CNTN4: variants seen among roughly 807,000 people sequenced by gnomAD.
The protein encoded by CNTN4 is contactin 4.
In CNTN4, 77 loss-of-function variants were observed where a neutral mutation model predicts 122.5. The ratio of observed to expected loss-of-function variants is 0.63; its 90% confidence interval spans 0.52 to 0.76. CNTN4 has a LOEUF of 0.76. CNTN4 is among the 30% of genes least tolerant of loss of function. CNTN4 has a pLI of 0.00. For missense variants in CNTN4, 1,256 were observed against 1,259.1 expected, an observed-to-expected ratio of 1.00 and a Z score of 0.04; for synonymous variants, 512 against 447.0, an observed-to-expected ratio of 1.15 and a Z score of -1.83.
At chr3:2,436,414 A>G (rs76636676) in intron 3 of CNTN4, among the ~76,000 whole-genome samples, 2,105 of 152,256 alleles carry the variant, frequency 0.014, 42 homozygotes, top group South Asian at 0.069. Context: ...AACTGATTAG[A>G]GTCTCAAGGT....
chr3:2,635,481 C>T (rs563028102), intron 4 of CNTN4, among the ~76,000 whole-genome samples: 1 of 152,266 alleles, frequency 6.6e-6, no homozygotes, highest in South Asian at 2.1e-4. Flanking sequence ...ATTCATGCAT[C>T]TCTATCCCCC....
chr3:2,721,053 A>G (rs1576566743), intron 4 of CNTN4, among the ~76,000 whole-genome samples: 1 of 151,718 alleles, frequency 6.6e-6, no homozygotes, highest in Non-Finnish European at 1.5e-5. Context: ...GCTCACTGCA[A>G]CCTCCACCTC....
chr3:2,384,603 A>G (rs1252322203), intron 3 of CNTN4, among the ~76,000 whole-genome samples: 1 of 152,208 alleles, frequency 6.6e-6, no homozygotes, highest in Admixed American at 6.5e-5. Context: ...GCCCAGCTAA[A>G]TCAGGACTTA....
chr3:2,449,896 A>C (rs2048763831), intron 3 of CNTN4, among the ~76,000 whole-genome samples: 1 of 152,164 alleles, frequency 6.6e-6, no homozygotes, highest in East Asian at 1.9e-4. Flanking sequence ...TAAAATAGTT[A>C]CACTCACAGA....
chr3:2,132,629 G>C (rs139974397), intron 2 of CNTN4, among the ~76,000 whole-genome samples: 93 of 152,236 alleles, frequency 6.1e-4, no homozygotes, highest in African/African-American at 2.2e-3. Context: ...GGGATGGAGA[G>C]TGTTAGTGAT....
intron 3 of CNTN4, among the ~76,000 whole-genome samples, chr3:2,429,858 C>G (rs1260755891): frequency 6.6e-6 from 1 of 152,146 alleles, no homozygotes; most frequent in Non-Finnish European, 1.5e-5. Context: ...AAGTGAGGCT[C>G]CGTGGGCATG....
chr3:2,315,833 T>A (rs2043079445), intron 2 of CNTN4, among the ~76,000 whole-genome samples: 3 of 152,064 alleles, frequency 2.0e-5, no homozygotes, highest in Admixed American at 2.0e-4. Context: ...CTTTTAAAAA[T>A]TTGGCTTAAA....
At chr3:2,510,144 C>T (rs1429399661) in intron 3 of CNTN4, among the ~76,000 whole-genome samples, 1 of 152,172 alleles carries the variant, frequency 6.6e-6, no homozygotes. Flanking sequence ...AAAGACCCTC[C>T]ATCCCCAAAT....
chr3:2,148,749 A>G (rs1375564304), intron 2 of CNTN4, among the ~76,000 whole-genome samples: 1 of 152,152 alleles, frequency 6.6e-6, no homozygotes, highest in Non-Finnish European at 1.5e-5. Flanking sequence ...CCTTCCATGT[A>G]ACTAGATGCC....
chr3:2,532,289 G>A (rs557239518), intron 3 of CNTN4, among the ~76,000 whole-genome samples: 3 of 152,134 alleles, frequency 2.0e-5, no homozygotes, highest in African/African-American at 7.2e-5. Flanking sequence ...ATCTCACCCT[G>A]TCACCCTGGG....
At chr3:2,662,341 C>G (rs1200506660) in intron 4 of CNTN4, among the ~76,000 whole-genome samples, 2 of 152,156 alleles carry the variant, frequency 1.3e-5, no homozygotes, top group Non-Finnish European at 2.9e-5. Context: ...AGAGTGGCAG[C>G]AACAACTATG....
At chr3:2,601,815 C>G (rs2081059618) in intron 4 of CNTN4, among the ~76,000 whole-genome samples, 1 of 152,108 alleles carries the variant, frequency 6.6e-6, no homozygotes, top group African/African-American at 2.4e-5. Flanking sequence ...ACCAAAATCC[C>G]TGATGAACAT....
At chr3:2,488,366 T>C (rs1045419896) in intron 3 of CNTN4, among the ~76,000 whole-genome samples, 2 of 152,206 alleles carry the variant, frequency 1.3e-5, no homozygotes, top group Non-Finnish European at 2.9e-5. Flanking sequence ...GGGTTGTCTC[T>C]GGGTACTCCA....
At chr3:2,199,754 AATACATGGT>A (rs1440095231) in intron 2 of CNTN4, among the ~76,000 whole-genome samples, 1 of 152,184 alleles carries the variant, frequency 6.6e-6, no homozygotes, top group Non-Finnish European at 1.5e-5. Context: ...ACAAACACCC[AATACATGGT>A]ATGCAGAGAA....
intron 4 of CNTN4, among the ~76,000 whole-genome samples, chr3:2,611,499 G>A (rs1321432769): frequency 6.6e-6 from 1 of 152,068 alleles, no homozygotes; most frequent in Non-Finnish European, 1.5e-5. Context: ...GTAGCCTCTG[G>A]GTGATAGTAC....
In CNTN4 at chr3:2,833,514, C is replaced by A. The variant is rs544322600; in HGVS notation, c.454+13933C>A. Among the ~76,000 whole-genome samples, 15 of 152,186 alleles carry A rather than the reference C, an allele frequency of 9.9e-5. No homozygotes were observed. In the East Asian group the frequency reaches 2.9e-3, roughly 29 times the overall value. ...TATGTATTGTTTTATTGTTTAATATCATCACATACTTACCATTCCATGTGA... is the reference window on the plus strand; with the variant it reads ...TATGTATTGTTTTATTGTTTAATATAATCACATACTTACCATTCCATGTGA... On this transcript the variant is annotated intron_variant, in intron 7 of 24. Coordinates refer to ENST00000418658, the MANE Select transcript of CNTN4 (RefSeq NM_175607.3).
intron 6 of CNTN4, among the ~76,000 whole-genome samples, chr3:2,781,884 C>T (rs531741375): frequency 0.011 from 817 of 72,530 alleles, 83 homozygotes; most frequent in African/African-American, 0.027. Flanking sequence ...GCACCACGCC[C>T]GGCTAATTTT....
intron 3 of CNTN4, among the ~76,000 whole-genome samples, chr3:2,368,088 A>G (rs187622394): frequency 0.02 from 2,722 of 138,522 alleles, 79 homozygotes; most frequent in African/African-American, 0.069. Context: ...GCTGGAGTGC[A>G]GTGGCGCGAT....
At chr3:2,601,120 G>A (rs1440410917) in intron 4 of CNTN4, among the ~76,000 whole-genome samples, 8 of 152,092 alleles carry the variant, frequency 5.3e-5, no homozygotes, top group Non-Finnish European at 1.5e-5. Flanking sequence ...CAGATGAGTA[G>A]ATTGCAAAAA....
Sources: gnomAD v4.1 joint callset for allele counts (sites outside exome capture counted in the v4.1 genomes callset) on GRCh38, gnomAD v4.1.1 for gene constraint, MANE v1.5 for transcripts, NCBI Gene and HGNC (gene_info 2026-07-23, HGNC 2026-07-21) for gene names.